Variants in ZNF30 observed in about 807,000 individuals in gnomAD.
ZNF30 encodes the protein zinc finger protein 30.
A neutral mutation model predicts 13.2 loss-of-function variants in ZNF30; 15 were observed. The ratio of observed to expected loss-of-function variants is 1.13; its 90% CI spans 0.76 to 1.75. ZNF30 has a LOEUF of 1.75. Ranked by LOEUF, ZNF30 falls within the 40% of genes most tolerant of loss-of-function variation. The pLI is 0.00. For missense variants in ZNF30, 726 were observed against 757.0 expected (o/e 0.96, Z 0.48); for synonymous variants, 223 against 256.6 (o/e 0.87, Z 1.25).
chr19:34,934,958 G>A (rs573544045), intron 4 of ZNF30, among the ~76,000 whole-genome samples: 4 of 152,150 alleles, frequency 2.6e-5, no homozygotes, highest in South Asian at 2.1e-4. Context: ...GGCCGGGCGC[G>A]GTGGCTCACG....
At chr19:34,938,527 T>C (rs973666335) in intron 4 of ZNF30, among the ~76,000 whole-genome samples, 3 of 152,186 alleles carry the variant, frequency 2.0e-5, no homozygotes, top group African/African-American at 7.2e-5. Context: ...TTCTTAATAA[T>C]TTACCACTTT....
At chr19:34,926,646 T>C, upstream of ZNF30, 1 of 252,546 alleles carries the variant, frequency 4.0e-6, no homozygotes, top group Non-Finnish European at 7.4e-6. Context: ...AACACCTAGT[T>C]TTCATATTTT....
At chr19:34,935,870 G>A (rs1484394229) in intron 4 of ZNF30, among the ~76,000 whole-genome samples, 4 of 152,128 alleles carry the variant, frequency 2.6e-5, no homozygotes, top group Non-Finnish European at 5.9e-5. Flanking sequence ...TAAAGAAAAA[G>A]AGGTTTAATG....
chr19:34,944,498 C>G lies in ZNF30; in HGVS notation c.1532C>G (p.Pro511Arg), dbSNP rs1052980179. ...AGCAGAATCCATACTGGTAAGAAGCCCTATGAGTGTAAGGAGTGTGGCAAG... is the reference window on the plus strand; with the variant it reads ...AGCAGAATCCATACTGGTAAGAAGCGCTATGAGTGTAAGGAGTGTGGCAAG... Reference protein sequence around the residue: ...QHSRIHTGKKPYECKECGKAF... With the variant: ...QHSRIHTGKKRYECKECGKAF... Residue 511 changes from proline (P) to arginine (R), a missense_variant, in exon 5 of 5, where the codon CCC becomes CGC. Physicochemically the swap from Pro to Arg is moderately radical, Grantham distance 103. Transcript: ENST00000601142. 1 of 1,613,818 alleles carries G rather than the reference C, an allele frequency of 6.2e-7. No homozygotes were observed. Among genetic ancestry groups the G allele is most frequent in the Non-Finnish European group, 8.5e-7 (1 of 1,179,954 alleles).
chr19:34,943,210 A>C lies in ZNF30; in HGVS notation c.257-13A>C. 1.4e-6 allele frequency: 2 copies of C among 1,443,820 alleles called. No individual in the cohort carries two copies. Among genetic ancestry groups the C allele is most frequent in the Non-Finnish European group, 1.8e-6 (2 of 1,096,374 alleles). 89.4% of individuals were successfully genotyped at this position (1,443,820 alleles called of 1,614,324 possible). A position where few individuals can be genotyped will look rare whatever the true frequency, so the allele number is the denominator to read the frequency against. ...AAATAGAAAAATAAGATATTTTTAA[A>C]ATTTTCTTTCAGATTTGCAGTTGGA... is the stretch of plus-strand genomic sequence containing the variant. On this transcript the variant is annotated splice_polypyrimidine_tract_variant and intron_variant, in intron 4 of 4. Transcript: ENST00000601142.
intron 4 of ZNF30, among the ~76,000 whole-genome samples, chr19:34,934,971 TG>T (rs1474718147): frequency 1.3e-5 from 2 of 152,292 alleles, no homozygotes; most frequent in Non-Finnish European, 2.9e-5. Flanking sequence ...GGCTCACGCC[TG>T]TAATCCCAGT....
chr19:34,938,884 G>C (rs1263099780), intron 4 of ZNF30, among the ~76,000 whole-genome samples: 1 of 152,188 alleles, frequency 6.6e-6, no homozygotes, highest in East Asian at 1.9e-4. Context: ...AAAGTAAGGT[G>C]CAGAGAGACG....
intron 4 of ZNF30, among the ~76,000 whole-genome samples, chr19:34,939,742 A>G (rs1035432074): frequency 2.6e-5 from 4 of 152,208 alleles, no homozygotes; most frequent in Admixed American, 2.0e-4. Flanking sequence ...TTATTTCACT[A>G]CTGCATCATC....
intron 1 of ZNF30, among the ~76,000 whole-genome samples, chr19:34,928,223 ATATATATATATATATATAT>A (rs2012206845): frequency 5.8e-5 from 3 of 51,326 alleles, no homozygotes; most frequent in East Asian, 7.5e-4. Flanking sequence ...AAAAAAAAAT[ATATATATATATATATATAT>A]ATATATATAT....
At chr19:34,942,310 T>C (rs1304780206) in intron 4 of ZNF30, among the ~76,000 whole-genome samples, 7 of 151,842 alleles carry the variant, frequency 4.6e-5, no homozygotes, top group Non-Finnish European at 8.8e-5. Context: ...CTGGACATGG[T>C]GGCACACACC....
intron 4 of ZNF30, 90 bp downstream of exon 4, chr19:34,933,813 GTTTC>G: frequency 3.3e-6 from 3 of 922,694 alleles, no homozygotes; most frequent in Non-Finnish European, 5.1e-6. Flanking sequence ...ATGTTTGGAG[GTTTC>G]CCTTCAAAGC....
upstream of ZNF30, among the ~76,000 whole-genome samples, chr19:34,924,991 T>A (rs2012012092): frequency 6.6e-6 from 1 of 152,214 alleles, no homozygotes; most frequent in Non-Finnish European, 1.5e-5. Context: ...GATGCGAGGC[T>A]ACTTAGGTTG....
At position 34,944,194 on chromosome 19, in the gene ZNF30, A is replaced by C. The variant is rs928840386; in HGVS notation, c.1228A>C (p.Ser410Arg). ...YECKECGKAFSTGSYLVQHQR... is the reference protein window; with the variant it reads ...YECKECGKAFRTGSYLVQHQR... The stretch of plus-strand genomic sequence containing the variant: ...ATGTAAGGAGTGTGGCAAGGCCTTT[A>C]GTACTGGCTCATACCTTGTTCAGCA... The change falls in exon 5 of 5, where the codon AGT becomes CGT. Residue 410 changes from serine (S) to arginine (R), a missense_variant. Physicochemically the swap from Ser to Arg is moderately radical, Grantham distance 110. Coordinates refer to ENST00000601142, the MANE Select transcript of ZNF30 (RefSeq NM_194325.3). 5.6e-6 allele frequency: 9 copies of C among 1,613,178 alleles called. No individual in the cohort carries two copies. The highest frequency in any genetic ancestry group is 7.6e-6 in the Non-Finnish European group (9 of 1,179,234).
In ZNF30 at chr19:34,945,160, C is replaced by T. The variant is rs2013273699; in HGVS notation, c.*322C>T. ...GAACAAGTGAATAAAAAACCTTGGA[C>T]CTCCTAAACCACTGCTGAACTTCAA... On this transcript the variant is annotated 3_prime_UTR_variant, in exon 5 of 5. Coordinates refer to ENST00000601142, the MANE Select transcript of ZNF30 (RefSeq NM_194325.3). The T allele has an allele frequency of 8.3e-6, 2 of 242,034 alleles. No individual in the cohort carries two copies. The highest frequency in any genetic ancestry group is 1.6e-5 in the Non-Finnish European group (2 of 126,332). 15.0% of individuals were successfully genotyped at this position (242,034 alleles called of 1,614,324 possible).
At chr19:34,928,234 TATATATATATATATATATATAG>T (rs2012210811) in intron 1 of ZNF30, among the ~76,000 whole-genome samples, 5 of 69,172 alleles carry the variant, frequency 7.2e-5, no homozygotes, top group South Asian at 5.3e-4. Context: ...TATATATATA[TATATATATATATATATATATAG>T]ATAGATAGAT....
intron 4 of ZNF30, among the ~76,000 whole-genome samples, chr19:34,934,496 C>T (rs1213700317): frequency 6.6e-6 from 1 of 152,150 alleles, no homozygotes; most frequent in Non-Finnish European, 1.5e-5. Context: ...AACTCCTGGG[C>T]TCAAGTGATC....
At chr19:34,930,702 A>G (rs549900113) in intron 2 of ZNF30, among the ~76,000 whole-genome samples, 62 of 152,072 alleles carry the variant, frequency 4.1e-4, no homozygotes, top group Non-Finnish European at 7.9e-4. Flanking sequence ...TACCAAAAAA[A>G]ATTTTTTTTA....
chr19:34,923,915 G>C (rs954141427), upstream of ZNF30: 1 of 152,156 alleles, frequency 6.6e-6, no homozygotes, highest in African/African-American at 2.4e-5. Context: ...ATATATTTCA[G>C]GAAATGCAGT....
intron 4 of ZNF30, among the ~76,000 whole-genome samples, chr19:34,934,593 T>G (rs2012624997): frequency 6.6e-6 from 1 of 152,192 alleles, no homozygotes; most frequent in African/African-American, 2.4e-5. Context: ...CTAATGTAAC[T>G]AGAAACTATG....
Sources: gnomAD v4.1 joint callset for allele counts (sites outside exome capture counted in the v4.1 genomes callset) on GRCh38, gnomAD v4.1.1 for gene constraint, MANE v1.5 for transcripts, NCBI Gene and HGNC (gene_info 2026-07-23, HGNC 2026-07-21) for gene names.